LPIN2: variants seen among roughly 807,000 people sequenced by gnomAD.
The protein encoded by LPIN2 is lipin 2.
LPIN2 carries 55 observed loss-of-function variants against 111.4 expected under a neutral mutation model. The observed-to-expected ratio is 0.49, with a 90% confidence interval of 0.40 to 0.62. LPIN2 has a LOEUF of 0.62. Ranked by LOEUF, LPIN2 falls within the 20% of genes least tolerant of loss-of-function variation. The pLI, the probability that LPIN2 is intolerant of heterozygous loss-of-function variation, is 0.00. For synonymous variants in LPIN2, 425 were observed against 414.0 expected (o/e 1.03, Z -0.32); for missense variants, 992 against 1,112.1 (o/e 0.89, Z 1.54).
chr18:2,923,413 T>A, intron 16 of LPIN2, among the ~76,000 whole-genome samples: 1 of 47,174 alleles, frequency 2.1e-5, no homozygotes. Flanking sequence ...AGAGCAAAAC[T>A]CCATCTCAAA....
intron 14 of LPIN2, among the ~76,000 whole-genome samples, chr18:2,924,900 G>C (rs758421508): frequency 1.3e-5 from 2 of 152,226 alleles, no homozygotes; most frequent in Non-Finnish European, 2.9e-5. Context: ...AGGAGAAATT[G>C]TGTCTAAAAT....
intron 1 of LPIN2, 73 bp from the exon 2 acceptor site, chr18:2,960,922 A>T (rs572057015): frequency 7.9e-7 from 1 of 1,258,518 alleles, no homozygotes; most frequent in South Asian, 1.3e-5. Context: ...TAACAGTCGT[A>T]ACAAAAATGA....
At position 2,920,137 on chromosome 18, in the gene LPIN2, G is replaced by A; in HGVS notation, c.*156C>T. ...GCTGCAGACCTGCCGAGCCTGAGCA[G>A]CTGGCCTGGGAAGGCAAAGGAGGAT... On this transcript the variant is annotated 3_prime_UTR_variant, in exon 20 of 20. Transcript: ENST00000677752. The A allele has an allele frequency of 1.0e-6, 1 of 966,090 alleles. No homozygotes were observed. The highest frequency in any genetic ancestry group is 1.6e-6 in the Non-Finnish European group (1 of 632,282). The allele number at this position is 966,090 out of a possible 1,614,324, so 59.8% of individuals were successfully genotyped here.
At chr18:2,979,665 G>A (rs552304810) in intron 1 of LPIN2, among the ~76,000 whole-genome samples, 4 of 152,100 alleles carry the variant, frequency 2.6e-5, no homozygotes, top group Admixed American at 1.3e-4. Context: ...ACAGATGGGG[G>A]CACAAATATA....
At chr18:2,930,710 G>A (rs2144158848) in intron 9 of LPIN2, among the ~76,000 whole-genome samples, 1 of 152,350 alleles carries the variant, frequency 6.6e-6, no homozygotes, top group African/African-American at 2.4e-5. Context: ...CAGCCTATAG[G>A]CATCCTGACA....
At chr18:2,972,057 C>T (rs2077926307) in intron 1 of LPIN2, among the ~76,000 whole-genome samples, 1 of 151,810 alleles carries the variant, frequency 6.6e-6, no homozygotes. Flanking sequence ...AAAAACAAAA[C>T]AAAACAAAAA....
chr18:2,963,481 A>G (rs621405), intron 1 of LPIN2, among the ~76,000 whole-genome samples: 77,889 of 151,844 alleles, frequency 0.51, 21,788 homozygotes, highest in Non-Finnish European at 0.62. Flanking sequence ...AAATGTTTAA[A>G]AAATATAGCA....
At chr18:3,009,143 T>TA (rs1371404577) in intron 1 of LPIN2, among the ~76,000 whole-genome samples, 1 of 152,062 alleles carries the variant, frequency 6.6e-6, no homozygotes, top group African/African-American at 2.4e-5. Context: ...CTCACGTCTG[T>TA]AATCCCAGCA....
Position 2,946,694 on chromosome 18 carries a change from G to C in LPIN2, c.590+4361C>G, listed in dbSNP as rs2077457315. ...AAAATAAATAGCCTGAATTATTTAT[G>C]TGGGATAAATTATAGGTGCAACATG... is the stretch of plus-strand genomic sequence containing the variant. On this transcript the variant is annotated intron_variant, in intron 4 of 19. Transcript: ENST00000677752. 5 of 615,862 alleles carry C rather than the reference G, an allele frequency of 8.1e-6. No individual in the cohort carries two copies. The East Asian group carries it at 1.4e-4, about 17-fold the overall frequency. The allele number at this position is 615,862 out of a possible 1,614,324, so 38.1% of individuals were successfully genotyped here. A position where few individuals can be genotyped will look rare whatever the true frequency, so the allele number is the denominator to read the frequency against.
chr18:2,921,830 G>T, intron 17 of LPIN2, 183 bp from the exon 18 acceptor site: 1 of 783,912 alleles, frequency 1.3e-6, no homozygotes, highest in Non-Finnish European at 2.0e-6. Flanking sequence ...TTTAGGGAAG[G>T]AGAAAACTTG....
intron 1 of LPIN2, among the ~76,000 whole-genome samples, chr18:2,963,582 G>A (rs971572207): frequency 2.0e-5 from 3 of 151,916 alleles, no homozygotes; most frequent in Admixed American, 1.3e-4. Flanking sequence ...GAGTGACAGA[G>A]ACCAAAGGAG....
rs1277416166 is a variant in LPIN2 at position 2,951,141 on chromosome 18, C to T, written c.504G>A (p.Lys168=). ...RRKKYKQDSK[K]EEQAASAAAE... ...CAGCAGCAGATGCGGCCTGCTCTTC[C>T]TTCTTACTGTCCTGTTTGTATTTCT... Residue 168 remains lysine, a synonymous_variant, in exon 4 of 20, where the codon AAG becomes AAA. Coordinates refer to ENST00000677752, the MANE Select transcript of LPIN2 (RefSeq NM_001375808.2). 3.1e-6 allele frequency: 5 copies of T among 1,614,086 alleles called. No individual in the cohort carries two copies. The East Asian group carries it at 6.7e-5, about 22-fold the overall frequency.
chr18:2,966,228 C>T (rs534351192), intron 1 of LPIN2, among the ~76,000 whole-genome samples: 3 of 152,314 alleles, frequency 2.0e-5, no homozygotes, highest in East Asian at 1.9e-4. Context: ...TGAGCCACCA[C>T]GACTGGCCTC....
At chr18:2,998,790 G>A (rs890670179) in intron 1 of LPIN2, among the ~76,000 whole-genome samples, 1 of 152,124 alleles carries the variant, frequency 6.6e-6, no homozygotes, top group South Asian at 2.1e-4. Context: ...ACATGTTCAC[G>A]AAACTATGCC....
At chr18:3,004,744 G>C (rs2143489268) in intron 1 of LPIN2, among the ~76,000 whole-genome samples, 1 of 152,258 alleles carries the variant, frequency 6.6e-6, no homozygotes, top group East Asian at 1.9e-4. Context: ...ATGAGCCCGA[G>C]AGCAATATTT....
chr18:2,924,665 GTCT>G, intron 14 of LPIN2, 119 bp from the exon 15 acceptor site: 19 of 1,035,942 alleles, frequency 1.8e-5, no homozygotes, highest in Non-Finnish European at 2.8e-5. Context: ...GGTTTCCGGG[GTCT>G]TAGACACAGC....
chr18:2,951,489 T>C (rs1454570816), intron 3 of LPIN2, 133 bp from the exon 4 acceptor site: 6 of 801,604 alleles, frequency 7.5e-6, no homozygotes, highest in Non-Finnish European at 9.9e-6. Context: ...GGCAAGAAAG[T>C]CCCACTGAAC....
intron 6 of LPIN2, 132 bp downstream of exon 6, chr18:2,939,348 T>C (rs2077337186): frequency 9.4e-7 from 1 of 1,069,212 alleles, no homozygotes; most frequent in Middle Eastern, 2.1e-4. Flanking sequence ...AATTTACTTT[T>C]ATGACATGAG....
At chr18:2,981,889 A>T (rs2078116261) in intron 1 of LPIN2, among the ~76,000 whole-genome samples, 1 of 152,182 alleles carries the variant, frequency 6.6e-6, no homozygotes, top group African/African-American at 2.4e-5. Flanking sequence ...TGTCTCACTG[A>T]TTTTATGCTT....
Sources: gnomAD v4.1 joint callset for allele counts (sites outside exome capture counted in the v4.1 genomes callset) on GRCh38, gnomAD v4.1.1 for gene constraint, MANE v1.5 for transcripts, NCBI Gene and HGNC (gene_info 2026-07-23, HGNC 2026-07-21) for gene names.